Variants in CSTF3 observed in about 807,000 individuals in gnomAD.
CSTF3 encodes the protein cleavage stimulation factor subunit 3, also known as CF-1 77 kDa subunit.
Under a neutral mutation model 105.8 loss-of-function variants are expected in CSTF3, and 29 were observed. The observed-to-expected ratio is 0.27, with a 90% confidence interval of 0.20 to 0.37. The LOEUF (loss-of-function observed/expected upper bound fraction) is 0.37, where lower values mean the gene tolerates loss of function less well. Among genes scored for constraint, CSTF3 ranks in the 10% least tolerant of loss-of-function variants. The pLI, the probability that CSTF3 is intolerant of heterozygous loss-of-function variation, is 1.00. For missense variants in CSTF3, 357 were observed against 879.3 expected (o/e 0.41, Z 7.51); for synonymous variants, 252 against 281.9 (o/e 0.89, Z 1.06).
chr11:33,143,611 G>A (rs903811692), intron 1 of CSTF3, among the ~76,000 whole-genome samples: 10 of 152,228 alleles, frequency 6.6e-5, no homozygotes, highest in South Asian at 2.1e-4. Context: ...TTAGCTGGGC[G>A]TGGTGGTGTG....
intron 17 of CSTF3, among the ~76,000 whole-genome samples, chr11:33,088,462 T>C (rs1045955717): frequency 6.6e-6 from 1 of 152,000 alleles, no homozygotes; most frequent in Non-Finnish European, 1.5e-5. Flanking sequence ...TGTATTTTAG[T>C]AGAGACGGGG....
At chr11:33,119,815 A>AT (rs1855468948) in intron 3 of CSTF3, among the ~76,000 whole-genome samples, 1 of 151,798 alleles carries the variant, frequency 6.6e-6, no homozygotes, top group Admixed American at 6.6e-5. Context: ...TCTCAATCCT[A>AT]TATGGATAGT....
chr11:33,088,236 A>G (rs1053183452), intron 17 of CSTF3, among the ~76,000 whole-genome samples: 1 of 152,160 alleles, frequency 6.6e-6, no homozygotes, highest in Non-Finnish European at 1.5e-5. Flanking sequence ...ATAGAAATAC[A>G]AGATGGAAAA....
intron 1 of CSTF3, among the ~76,000 whole-genome samples, chr11:33,151,328 C>T (rs1855856466): frequency 6.6e-6 from 1 of 151,960 alleles, no homozygotes; most frequent in South Asian, 2.1e-4. Context: ...TAATGGACTA[C>T]AGGCATGTGC....
At chr11:33,129,222 G>A (rs1354005323) in intron 3 of CSTF3, among the ~76,000 whole-genome samples, 11 of 152,122 alleles carry the variant, frequency 7.2e-5, no homozygotes, top group African/African-American at 2.4e-4. Context: ...TTCCCAAGCA[G>A]TTGGGGTTAC....
At chr11:33,107,462 G>C (rs1387697291) in intron 5 of CSTF3, among the ~76,000 whole-genome samples, 1 of 152,162 alleles carries the variant, frequency 6.6e-6, no homozygotes, top group Non-Finnish European at 1.5e-5. Flanking sequence ...GCAAAGATGG[G>C]GAGGTGGGTA....
intron 3 of CSTF3, among the ~76,000 whole-genome samples, chr11:33,110,556 G>A (rs183961667): frequency 1.3e-5 from 2 of 152,262 alleles, no homozygotes; most frequent in African/African-American, 4.8e-5. Flanking sequence ...CAGCTTCCTA[G>A]GTGCAGTTGA....
chr11:33,146,310 T>G (rs1855782363), intron 1 of CSTF3, among the ~76,000 whole-genome samples: 1 of 152,150 alleles, frequency 6.6e-6, no homozygotes, highest in African/African-American at 2.4e-5. Flanking sequence ...TCCACTTCTA[T>G]TAACACCCTA....
Position 33,135,324 on chromosome 11 carries a change from T to C in CSTF3, c.225+6343A>G, listed in dbSNP as rs991984914. Among the ~76,000 whole-genome samples the C allele has an allele frequency of 2.0e-4, 30 of 152,146 alleles. 2 individuals are homozygous for C. The highest frequency in any genetic ancestry group is 7.4e-5 in the Non-Finnish European group (5 of 68,002). ...TACAAAAAGCAAGCCAGGAGACTAA[T>C]CACTTTATTGTCCAGGCAAGTATAG... On this transcript the variant is annotated intron_variant, in intron 3 of 20. Coordinates refer to ENST00000323959, the MANE Select transcript of CSTF3 (RefSeq NM_001326.3).
rs536774720 is a variant in CSTF3, at chr11:33,111,410, G to A, written c.226-2992C>T. Among the ~76,000 whole-genome samples the A allele has an allele frequency of 5.3e-5, 8 of 151,992 alleles. No homozygotes were observed. In the South Asian group the frequency reaches 1.2e-3, roughly 24 times the overall value. ...ATTCAGCTTTAACAGGTAATTGGGAGGAATTGCCACAAGATCTTATTGAAT... is the reference window on the plus strand; with the variant it reads ...ATTCAGCTTTAACAGGTAATTGGGAAGAATTGCCACAAGATCTTATTGAAT... On this transcript the variant is annotated intron_variant, in intron 3 of 20. Coordinates refer to ENST00000323959, the MANE Select transcript of CSTF3 (RefSeq NM_001326.3).
intron 15 of CSTF3, among the ~76,000 whole-genome samples, chr11:33,094,159 G>A (rs986600047): frequency 3.3e-5 from 5 of 152,112 alleles, no homozygotes; most frequent in African/African-American, 9.7e-5. Flanking sequence ...CATTTTTAAT[G>A]ATCACCACCC....
In CSTF3 at chr11:33,140,842, T is replaced by A. The variant is rs539526024; in HGVS notation, c.225+825A>T. 3 of 151,986 alleles carry A rather than the reference T, an allele frequency of 2.0e-5. No homozygotes were observed. The East Asian group carries it at 5.8e-4, about 29-fold the overall frequency. 9.4% of individuals were successfully genotyped at this position (151,986 alleles called of 1,614,324 possible). On this transcript the variant is annotated intron_variant, in intron 3 of 20. Transcript: ENST00000323959. The stretch of plus-strand genomic sequence containing the variant: ...CAGCTTAATGTGGATATCAGTTATT[T>A]ACATCTTACCCCTTCCATATCATTA...
chr11:33,090,840 C>A, intron 16 of CSTF3, 113 bp from the exon 17 acceptor site: 1 of 595,764 alleles, frequency 1.7e-6, no homozygotes. Context: ...TAAAAAGTGA[C>A]TTTTTATTAT....
intron 1 of CSTF3, among the ~76,000 whole-genome samples, chr11:33,152,569 C>CA: frequency 6.6e-6 from 1 of 152,178 alleles, no homozygotes; most frequent in Non-Finnish European, 1.5e-5. Context: ...CTAACTAACT[C>CA]AGAGAAATAG....
In CSTF3 at chr11:33,142,182, A is replaced by C. The variant is rs186246520; in HGVS notation, c.28-196T>G. Among the ~76,000 whole-genome samples, 3 of 152,272 alleles carry C rather than the reference A, an allele frequency of 2.0e-5. No individual in the cohort carries two copies. In the East Asian group the frequency reaches 5.8e-4, roughly 29 times the overall value. On this transcript the variant is annotated intron_variant, in intron 1 of 20. Coordinates refer to ENST00000323959, the MANE Select transcript of CSTF3 (RefSeq NM_001326.3). ...CCTTATCTGTGGGCTCCGCATCCTT[A>C]TACTCAACCAAGGGTGGATTGAAAA...
intron 3 of CSTF3, among the ~76,000 whole-genome samples, chr11:33,121,396 T>C (rs1268089552): frequency 6.6e-6 from 1 of 152,156 alleles, no homozygotes; most frequent in Non-Finnish European, 1.5e-5. Flanking sequence ...TTCCTAACTT[T>C]ATGAATTCCT....
intron 9 of CSTF3, 139 bp from the exon 10 acceptor site, chr11:33,102,478 A>G: frequency 2.7e-6 from 2 of 729,276 alleles, no homozygotes; most frequent in Middle Eastern, 2.6e-4. Context: ...TCTAAAAACT[A>G]TTTAAGAGTA....
chr11:33,119,474 C>A (rs58772662), intron 3 of CSTF3, among the ~76,000 whole-genome samples: 18,854 of 151,624 alleles, frequency 0.12, 2,914 homozygotes, highest in African/African-American at 0.37. Flanking sequence ...TCTTAAAAAT[C>A]ACTTTCCAAA....
chr11:33,127,231 A>G (rs982041071), intron 3 of CSTF3, among the ~76,000 whole-genome samples: 23 of 152,216 alleles, frequency 1.5e-4, no homozygotes, highest in African/African-American at 5.5e-4. Context: ...CTAGCATTTA[A>G]TAATTTTCTA....
Sources: allele counts gnomAD v4.1 joint callset (sites outside exome capture counted in the v4.1 genomes callset), GRCh38; gene constraint gnomAD v4.1.1; transcripts MANE v1.5; gene names NCBI Gene and HGNC (gene_info 2026-07-23, HGNC 2026-07-21).